The following JADE3 variants were observed in gnomAD, a reference collection of about 807,000 sequenced individuals.
The protein encoded by JADE3 is protein Jade-3.
Under a neutral mutation model 50.1 loss-of-function variants are expected in JADE3, and 2 were observed. That is an observed-to-expected ratio of 0.04 (90% CI 0.02 to 0.13). The LOEUF is 0.13. Among genes scored for constraint, JADE3 ranks in the 10% least tolerant of loss-of-function variants. The pLI, the probability that JADE3 is intolerant of heterozygous loss-of-function variation, is 1.00. For synonymous variants in JADE3, 218 were observed against 232.9 expected, an observed-to-expected ratio of 0.94 and a Z score of 0.58; for missense variants, 475 against 634.4, an observed-to-expected ratio of 0.75 and a Z score of 2.70.
At chrX:46,945,340 A>G (rs999648716) in intron 1 of JADE3, among the ~76,000 whole-genome samples, 1 of 110,754 alleles carries the variant, frequency 9.0e-6, no homozygotes, top group Non-Finnish European at 1.9e-5. Flanking sequence ...GGTATCTGCT[A>G]TGTTTTCCTG....
intron 8 of JADE3, among the ~76,000 whole-genome samples, chrX:47,042,292 A>G (rs1337667723): frequency 8.9e-6 from 1 of 111,931 alleles, no homozygotes; most frequent in Non-Finnish European, 1.9e-5. Context: ...CTGGATTTGT[A>G]TTACAGCCCT....
At chrX:47,003,709 TA>T (rs1233489137) in intron 4 of JADE3, among the ~76,000 whole-genome samples, 1 of 100,497 alleles carries the variant, frequency 1.0e-5, no homozygotes, top group African/African-American at 3.6e-5. Flanking sequence ...AATGTATATA[TA>T]AAAATTACAA....
At chrX:46,935,122 C>T (rs781876363) in intron 1 of JADE3, among the ~76,000 whole-genome samples, 279 of 108,536 alleles carry the variant, frequency 2.6e-3, no homozygotes, top group Middle Eastern at 9.7e-3. Flanking sequence ...TTAGTAGAGA[C>T]GGGGTTTTGC....
intron 4 of JADE3, among the ~76,000 whole-genome samples, chrX:47,006,370 A>G (rs913487713): frequency 4.6e-5 from 5 of 108,909 alleles, no homozygotes; most frequent in African/African-American, 1.7e-4. Flanking sequence ...TACAGCCTGG[A>G]CCTTTTGGGC....
intron 1 of JADE3, among the ~76,000 whole-genome samples, chrX:46,954,431 G>A (rs1390124795): frequency 8.9e-6 from 1 of 112,183 alleles, no homozygotes; most frequent in African/African-American, 3.2e-5. Flanking sequence ...TTAGTTATGT[G>A]GTACAGAATC....
intron 1 of JADE3, among the ~76,000 whole-genome samples, chrX:46,957,924 T>G (rs1183304597): frequency 8.9e-6 from 1 of 111,998 alleles, no homozygotes; most frequent in Non-Finnish European, 1.9e-5. Flanking sequence ...TTTGTGAGAG[T>G]TTCTCCAGAT....
chrX:46,988,556 A>G (rs1602397179), intron 3 of JADE3, among the ~76,000 whole-genome samples: 1 of 112,142 alleles, frequency 8.9e-6, no homozygotes. Flanking sequence ...ATGAGTAGTT[A>G]TAATCAAAGT....
chrX:47,007,807 T>TG (rs1569537171), intron 4 of JADE3, among the ~76,000 whole-genome samples: 2,645 of 70,763 alleles, frequency 0.037, 130 homozygotes, highest in African/African-American at 0.15. Context: ...TCCTTTTATT[T>TG]TGTGTGTGTG....
chrX:46,987,215 T>C (rs1454186845), intron 3 of JADE3, among the ~76,000 whole-genome samples: 1 of 112,729 alleles, frequency 8.9e-6, no homozygotes, highest in African/African-American at 3.2e-5. Context: ...TAAAAGCCAC[T>C]TGTAGTTTCT....
At chrX:46,962,415 C>T (rs188291708) in intron 1 of JADE3, among the ~76,000 whole-genome samples, 67 of 111,615 alleles carry the variant, frequency 6.0e-4, no homozygotes, top group South Asian at 3.8e-4. Context: ...CCTGGTTCGC[C>T]GTGTACAAAT....
chrX:47,015,720 C>CTTT (rs1170777560), intron 4 of JADE3, among the ~76,000 whole-genome samples: 10 of 84,055 alleles, frequency 1.2e-4, no homozygotes, highest in African/African-American at 1.5e-4. Flanking sequence ...GTCTCAGCAT[C>CTTT]TTTTTTTTTT....
At chrX:46,949,951 C>T (rs1460618310) in intron 1 of JADE3, among the ~76,000 whole-genome samples, 1 of 111,594 alleles carries the variant, frequency 9.0e-6, no homozygotes, top group Admixed American at 9.6e-5. Context: ...GGAAACAACC[C>T]AAATGCCCTC....
At chrX:46,935,352 T>A (rs1465380985) in intron 1 of JADE3, among the ~76,000 whole-genome samples, 1 of 111,649 alleles carries the variant, frequency 9.0e-6, no homozygotes, top group African/African-American at 3.3e-5. Context: ...TTAAAAAGCG[T>A]TTTTGGCTCT....
At chrX:47,056,398 G>T (rs1307175447) in intron 10 of JADE3, among the ~76,000 whole-genome samples, 199 bp downstream of exon 10, 2 of 111,625 alleles carry the variant, frequency 1.8e-5, no homozygotes, top group East Asian at 5.6e-4. Context: ...TCCCAGGGTG[G>T]GGTAGGAGGA....
Position 47,024,905 on chromosome X carries a change from G to T in JADE3, c.466G>T (p.Ala156Ser), listed in dbSNP as rs782504534. 1.7e-6 allele frequency: 2 copies of T among 1,147,694 alleles called. No individual in the cohort carries two copies. The highest frequency in any genetic ancestry group is 6.0e-5 in the East Asian group (2 of 33,224). The allele number at this position is 1,147,694 out of a possible 1,213,427, so 94.6% of individuals were successfully genotyped here. Residue 156 changes from alanine to serine, a missense_variant, in exon 5 of 11, where the codon GCA becomes TCA. Ala to Ser is a moderately conservative substitution (Grantham distance 99, BLOSUM62 1). Coordinates refer to ENST00000614628, the MANE Select transcript of JADE3 (RefSeq NM_014735.5). Reference protein sequence around the residue: ...FWLQELNEDLAEMGCGPVDEN... With the variant: ...FWLQELNEDLSEMGCGPVDEN... ...GCTTCAGGAACTCAATGAAGACCTT[G>T]CAGAAATGGGTAAGTTCTTTTCTCA...
At chrX:47,017,115 A>G (rs1198419935) in intron 4 of JADE3, among the ~76,000 whole-genome samples, 1 of 111,740 alleles carries the variant, frequency 8.9e-6, no homozygotes, top group Non-Finnish European at 1.9e-5. Context: ...TCTGGCTTTC[A>G]GATGAGGTTT....
intron 3 of JADE3, among the ~76,000 whole-genome samples, chrX:46,991,170 C>T (rs994324120): frequency 4.2e-4 from 43 of 102,196 alleles, no homozygotes; most frequent in African/African-American, 1.4e-3. Context: ...CTGCAACCTC[C>T]GCCTCCTACG....
intron 1 of JADE3, among the ~76,000 whole-genome samples, chrX:46,936,500 G>C (rs1465089881): frequency 5.4e-5 from 6 of 111,223 alleles, no homozygotes; most frequent in African/African-American, 2.0e-4. Flanking sequence ...AAAATGAGTT[G>C]GGAAAGCTTC....
At chrX:46,969,441 CAGAA>C (rs1927438728) in intron 1 of JADE3, among the ~76,000 whole-genome samples, 1 of 111,962 alleles carries the variant, frequency 8.9e-6, no homozygotes, top group Non-Finnish European at 1.9e-5. Context: ...CAAAACAAAA[CAGAA>C]AGACTACAAG....
Sources: gnomAD v4.1 joint callset for allele counts (sites outside exome capture counted in the v4.1 genomes callset) on GRCh38, gnomAD v4.1.1 for gene constraint, MANE v1.5 for transcripts, NCBI Gene and HGNC (gene_info 2026-07-23, HGNC 2026-07-21) for gene names.